The following PAQR5 variants were observed in gnomAD, a reference collection of about 807,000 sequenced individuals.
PAQR5 encodes the protein membrane progestin receptor gamma.
In PAQR5, 20 loss-of-function variants were observed where a neutral mutation model predicts 34.5. That is an observed-to-expected ratio of 0.58 (90% CI 0.41 to 0.84). PAQR5 has a LOEUF of 0.84. Ranked by LOEUF, PAQR5 falls within the 40% of genes least tolerant of loss-of-function variation. The pLI, the probability that PAQR5 is intolerant of heterozygous loss-of-function variation, is 0.00. For synonymous variants in PAQR5, 131 were observed against 155.6 expected (o/e 0.84, Z 1.18); for missense variants, 378 against 412.7 (o/e 0.92, Z 0.73).
At chr15:69,382,735 T>C (rs2140926810) in intron 4 of PAQR5, 1 of 142,220 alleles carries the variant, frequency 7.0e-6, no homozygotes, top group South Asian at 2.2e-4. Context: ...TGTATATGTG[T>C]ATATATATAT....
At chr15:69,352,069 A>G (rs1480854271) in intron 2 of PAQR5, among the ~76,000 whole-genome samples, 3 of 152,204 alleles carry the variant, frequency 2.0e-5, no homozygotes, top group Non-Finnish European at 4.4e-5. Flanking sequence ...CACTTGGGTC[A>G]TATGACCCAG....
intron 1 of PAQR5, among the ~76,000 whole-genome samples, chr15:69,322,359 G>C (rs867162612): frequency 6.7e-6 from 1 of 149,032 alleles, no homozygotes; most frequent in South Asian, 2.1e-4. Context: ...GCGGTAGCGG[G>C]CACCTGTAAT....
chr15:69,355,311 TC>T (rs1412643363), intron 2 of PAQR5, among the ~76,000 whole-genome samples: 6 of 39,630 alleles, frequency 1.5e-4, no homozygotes, highest in Non-Finnish European at 2.3e-4. Flanking sequence ...TTTCTTTCTT[TC>T]TTTCTTTCTT....
chr15:69,378,314 T>C (rs1366921404), intron 3 of PAQR5, among the ~76,000 whole-genome samples: 1 of 140,746 alleles, frequency 7.1e-6, no homozygotes. Context: ...GTGGCACTCC[T>C]GTAGTTCCAG....
chr15:69,382,431 G>C (rs2055911212), intron 4 of PAQR5, among the ~76,000 whole-genome samples: 1 of 151,988 alleles, frequency 6.6e-6, no homozygotes, highest in Non-Finnish European at 1.5e-5. Flanking sequence ...CAGACCACAA[G>C]GTCAGGAGAT....
intron 1 of PAQR5, among the ~76,000 whole-genome samples, chr15:69,305,827 A>G (rs1169236886): frequency 6.6e-6 from 1 of 152,146 alleles, no homozygotes; most frequent in Non-Finnish European, 1.5e-5. Context: ...AACTTCGTCC[A>G]CGGAAACCCC....
rs1220459940 is a variant in PAQR5, at chr15:69,405,401, C to G, written c.*1579C>G. The G allele has an allele frequency of 6.1e-6, 1 of 163,888 alleles. No homozygotes were observed. The highest frequency in any genetic ancestry group is 6.4e-5 in the Admixed American group (1 of 15,628). The allele number at this position is 163,888 out of a possible 1,614,324, so 10.2% of individuals were successfully genotyped here. A position where few individuals can be genotyped will look rare whatever the true frequency, so the allele number is the denominator to read the frequency against. ...ACAATTTATATTGGATGAGAGTGGT[C>G]AAGAAATATGATTTCGTTAGTTTTA... On this transcript the variant is annotated 3_prime_UTR_variant, in exon 9 of 9. Coordinates refer to ENST00000395407, the MANE Select transcript of PAQR5 (RefSeq NM_017705.4).
intron 1 of PAQR5, among the ~76,000 whole-genome samples, chr15:69,332,213 T>G (rs949543015): frequency 2.0e-4 from 31 of 151,628 alleles, no homozygotes; most frequent in African/African-American, 7.6e-4. Flanking sequence ...TTGTTTTTCT[T>G]TGTTCTGTAA....
At chr15:69,317,856 G>A (rs531235082) in intron 1 of PAQR5, among the ~76,000 whole-genome samples, 14 of 152,140 alleles carry the variant, frequency 9.2e-5, no homozygotes, top group South Asian at 2.1e-4. Context: ...CCTACTTGCC[G>A]TCTGCCAGTC....
At chr15:69,331,315 C>T (rs1018560813) in intron 1 of PAQR5, among the ~76,000 whole-genome samples, 1 of 152,168 alleles carries the variant, frequency 6.6e-6, no homozygotes, top group African/African-American at 2.4e-5. Context: ...TGCGGGGTCT[C>T]AGTTGGCTCT....
intron 6 of PAQR5, 76 bp downstream of exon 6, chr15:69,389,856 C>T (rs909297783): frequency 4.6e-6 from 7 of 1,532,158 alleles, no homozygotes; most frequent in Admixed American, 1.8e-5. Context: ...TTGAGGGAGC[C>T]GGGGAAGAGG....
Position 69,397,606 on chromosome 15 carries a change from C to T in PAQR5, c.609+42C>T, listed in dbSNP as rs776214097. 23 of 1,280,054 alleles carry T rather than the reference C, an allele frequency of 1.8e-5. 1 individual carries two copies. Among genetic ancestry groups the T allele is most frequent in the South Asian group, 1.2e-4 (10 of 84,350 alleles). 79.3% of individuals were successfully genotyped at this position (1,280,054 alleles called of 1,614,324 possible). On this transcript the variant is annotated intron_variant, in intron 7 of 8. Coordinates refer to ENST00000395407, the MANE Select transcript of PAQR5 (RefSeq NM_017705.4). ...TCTCCTCTCTGCCTGTTGGCAACAC[C>T]AGGAAGTCAGTTGTTTTCCTGAGCT...
chr15:69,305,161 G>A (rs2053686844), intron 1 of PAQR5, among the ~76,000 whole-genome samples: 1 of 152,172 alleles, frequency 6.6e-6, no homozygotes. Context: ...GAAGTTAGCA[G>A]TAGCCCTGGC....
chr15:69,397,115 CGT>C, intron 6 of PAQR5: 1 of 460,682 alleles, frequency 2.2e-6, no homozygotes, highest in Non-Finnish European at 4.3e-6. Flanking sequence ...TCCCCCTACC[CGT>C]TCCCTGTCCC....
intron 5 of PAQR5, among the ~76,000 whole-genome samples, chr15:69,389,403 T>C (rs2056194914): frequency 6.6e-6 from 1 of 152,166 alleles, no homozygotes; most frequent in South Asian, 2.1e-4. Flanking sequence ...ATGGTTGAAG[T>C]ATTATGTGAG....
At chr15:69,380,392 T>C (rs1394859521) in intron 4 of PAQR5, 1 of 189,430 alleles carries the variant, frequency 5.3e-6, no homozygotes, top group Non-Finnish European at 1.1e-5. Flanking sequence ...CCTCTCATTT[T>C]CCTACCTGCA....
intron 3 of PAQR5, among the ~76,000 whole-genome samples, chr15:69,369,492 C>T (rs1013414914): frequency 6.6e-6 from 1 of 151,278 alleles, no homozygotes; most frequent in Non-Finnish European, 1.5e-5. Flanking sequence ...GCCAAGATAA[C>T]ACCAATGCAC....
chr15:69,310,062 A>C (rs2053797188), intron 1 of PAQR5, among the ~76,000 whole-genome samples: 4 of 151,926 alleles, frequency 2.6e-5, no homozygotes. Context: ...AAAAAACAAA[A>C]AAAACAAAAC....
chr15:69,396,682 C>T (rs1381458301), intron 6 of PAQR5, among the ~76,000 whole-genome samples: 1 of 152,164 alleles, frequency 6.6e-6, no homozygotes, highest in African/African-American at 2.4e-5. Context: ...CCCTCCCTGC[C>T]CCTCCCCATG....
Sources: allele counts gnomAD v4.1 joint callset (sites outside exome capture counted in the v4.1 genomes callset), GRCh38; gene constraint gnomAD v4.1.1; transcripts MANE v1.5; gene names NCBI Gene and HGNC (gene_info 2026-07-23, HGNC 2026-07-21).